Variants in PLCB1 observed in about 807,000 individuals in gnomAD.
PLCB1 encodes the protein 1-phosphatidylinositol 4,5-bisphosphate phosphodiesterase beta-1.
In PLCB1, 46 loss-of-function variants were observed where a neutral mutation model predicts 161.8. That is an observed-to-expected ratio of 0.28 (90% CI 0.22 to 0.36). The LOEUF (loss-of-function observed/expected upper bound fraction) is 0.36, where lower values mean the gene tolerates loss of function less well. Ranked by LOEUF, PLCB1 falls within the 10% of genes least tolerant of loss-of-function variation. The pLI is 1.00. For missense variants in PLCB1, 1,016 were observed against 1,472.5 expected, an observed-to-expected ratio of 0.69 and a Z score of 5.07; for synonymous variants, 517 against 503.7, an observed-to-expected ratio of 1.03 and a Z score of -0.35.
intron 29 of PLCB1, 65 bp from the exon 30 acceptor site, chr20:8,789,453 C>CTT (rs1362215747): frequency 8.9e-6 from 9 of 1,014,412 alleles, no homozygotes; most frequent in Non-Finnish European, 1.1e-5. Context: ...ATCTAGAAGT[C>CTT]TGAGATTACC....
At chr20:8,141,283 A>G (rs1341171531) in intron 1 of PLCB1, among the ~76,000 whole-genome samples, 2 of 152,122 alleles carry the variant, frequency 1.3e-5, no homozygotes, top group African/African-American at 4.8e-5. Flanking sequence ...TTTTGTCTAC[A>G]CTGTGCAAGA....
chr20:8,537,321 G>A (rs77605845), intron 3 of PLCB1, among the ~76,000 whole-genome samples: 11,393 of 152,090 alleles, frequency 0.075, 531 homozygotes, highest in Non-Finnish European at 0.1. Flanking sequence ...TCCCTTTTCC[G>A]GTGGAATGCC....
intron 2 of PLCB1, among the ~76,000 whole-genome samples, chr20:8,329,497 T>TC (rs1232338619): frequency 2.0e-5 from 3 of 152,084 alleles, no homozygotes; most frequent in African/African-American, 7.2e-5. Flanking sequence ...TTTGGTTTTT[T>TC]CTGTTTGTTT....
intron 1 of PLCB1, among the ~76,000 whole-genome samples, chr20:8,136,593 T>G (rs1412012091): frequency 6.7e-6 from 1 of 148,936 alleles, no homozygotes. Flanking sequence ...GCCACTGCAC[T>G]CCAGCCTGGG....
chr20:8,802,364 T>C, intron 31 of PLCB1: 1 of 523,626 alleles, frequency 1.9e-6, no homozygotes, highest in Non-Finnish European at 3.3e-6. Context: ...CTGGTATTAA[T>C]TTCTCCATCA....
chr20:8,756,717 A>C lies in PLCB1; in HGVS notation c.2524-329A>C, dbSNP rs75603202. Among the ~76,000 whole-genome samples, 1,049 of 152,258 alleles carry C rather than the reference A, an allele frequency of 6.9e-3. 11 individuals carry two copies. Among genetic ancestry groups the C allele is most frequent in the African/African-American group, 0.024 (984 of 41,560 alleles). On this transcript the variant is annotated intron_variant, in intron 23 of 31. Coordinates refer to ENST00000338037, the MANE Select transcript of PLCB1 (RefSeq NM_015192.4). ...TAGGACCCTGAGAAACAGTGGAAAA[A>C]TTTGCAAGGGTCTTTTGTATCAAGT...
intron 3 of PLCB1, among the ~76,000 whole-genome samples, chr20:8,475,915 G>A (rs1048725785): frequency 3.3e-5 from 5 of 152,128 alleles, no homozygotes; most frequent in Non-Finnish European, 5.9e-5. Flanking sequence ...TACAAAGACA[G>A]TATCTAACAC....
chr20:8,655,947 T>G (rs1239271370), intron 7 of PLCB1, among the ~76,000 whole-genome samples: 1 of 152,036 alleles, frequency 6.6e-6, no homozygotes, highest in Non-Finnish European at 1.5e-5. Context: ...GATTTCTCTC[T>G]TTCTATAAAT....
chr20:8,244,299 C>T (rs1980765992), intron 2 of PLCB1, among the ~76,000 whole-genome samples: 2 of 151,746 alleles, frequency 1.3e-5, no homozygotes, highest in Non-Finnish European at 2.9e-5. Flanking sequence ...ATCATACAGT[C>T]GTATTTGTAA....
rs150439859 is a variant in PLCB1, at chr20:8,521,353, T to C, written c.247-106941T>C. On this transcript the variant is annotated intron_variant, in intron 3 of 31. Transcript: ENST00000338037. ...AAAAAAAAAAGAATAAGTAAAGGTA[T>C]TGAGGGCCTACTACGTGCTGATGGC... 5.4e-3 allele frequency among the ~76,000 whole-genome samples: 821 copies of C among 151,982 alleles called. 9 individuals carry two copies. The highest frequency in any genetic ancestry group is 8.9e-3 in the Non-Finnish European group (602 of 67,952).
intron 2 of PLCB1, among the ~76,000 whole-genome samples, chr20:8,151,892 C>T (rs2051512541): frequency 6.6e-6 from 1 of 152,032 alleles, no homozygotes; most frequent in Non-Finnish European, 1.5e-5. Flanking sequence ...CAGTTAAGCT[C>T]CCCTCTAGAC....
intron 25 of PLCB1, among the ~76,000 whole-genome samples, chr20:8,761,884 G>A (rs1982051051): frequency 6.6e-6 from 1 of 150,574 alleles, no homozygotes; most frequent in Admixed American, 6.6e-5. Context: ...GTGAGCCACT[G>A]TGCCCCTCCC....
intron 3 of PLCB1, among the ~76,000 whole-genome samples, chr20:8,529,476 A>C (rs1316875178): frequency 6.6e-6 from 1 of 152,086 alleles, no homozygotes; most frequent in Non-Finnish European, 1.5e-5. Flanking sequence ...TTTTAAAAAT[A>C]AGGAAAAGTT....
intron 2 of PLCB1, among the ~76,000 whole-genome samples, chr20:8,275,535 G>A (rs1982498175): frequency 6.6e-6 from 1 of 152,128 alleles, no homozygotes; most frequent in Non-Finnish European, 1.5e-5. Context: ...ATCAGTGTTA[G>A]GAGTCAGTGA....
chr20:8,683,131 T>C (rs1990261493), intron 9 of PLCB1, among the ~76,000 whole-genome samples: 1 of 151,936 alleles, frequency 6.6e-6, no homozygotes, highest in Admixed American at 6.6e-5. Flanking sequence ...AATATATTGC[T>C]CAGTTAATAC....
intron 3 of PLCB1, among the ~76,000 whole-genome samples, chr20:8,421,573 ATAT>A (rs1366667013): frequency 6.6e-6 from 1 of 152,180 alleles, no homozygotes; most frequent in Non-Finnish European, 1.5e-5. Flanking sequence ...GTGACAATTC[ATAT>A]TATCATGTTA....
At chr20:8,206,323 G>T (rs1978527508) in intron 2 of PLCB1, among the ~76,000 whole-genome samples, 1 of 152,028 alleles carries the variant, frequency 6.6e-6, no homozygotes, top group Non-Finnish European at 1.5e-5. Flanking sequence ...TATGTATTGT[G>T]AACATTTTAG....
intron 3 of PLCB1, among the ~76,000 whole-genome samples, chr20:8,497,099 T>C (rs1385811369): frequency 6.6e-6 from 1 of 152,218 alleles, no homozygotes; most frequent in African/African-American, 2.4e-5. Context: ...AGGAATTTGA[T>C]AAATATACAT....
intron 3 of PLCB1, among the ~76,000 whole-genome samples, chr20:8,420,518 C>G (rs1320077727): frequency 1.3e-5 from 2 of 152,166 alleles, no homozygotes; most frequent in Non-Finnish European, 2.9e-5. Context: ...GATAATTTGC[C>G]TACCTTAACT....
Sources: gnomAD v4.1 joint callset for allele counts (sites outside exome capture counted in the v4.1 genomes callset) on GRCh38, gnomAD v4.1.1 for gene constraint, MANE v1.5 for transcripts, NCBI Gene and HGNC (gene_info 2026-07-23, HGNC 2026-07-21) for gene names.